Variants in SYNPR observed in about 807,000 individuals in gnomAD.
SYNPR encodes synaptoporin.
Under a neutral mutation model 32.9 loss-of-function variants are expected in SYNPR, and 23 were observed. The ratio of observed to expected loss-of-function variants is 0.70; its 90% CI spans 0.50 to 0.99. SYNPR has a LOEUF of 0.99. Among genes scored for constraint, SYNPR ranks in the 50% least tolerant of loss-of-function variants. The pLI is 0.00. For synonymous variants in SYNPR, 146 were observed against 135.9 expected, an observed-to-expected ratio of 1.07 and a Z score of -0.52; for missense variants, 318 against 349.3, an observed-to-expected ratio of 0.91 and a Z score of 0.71.
intron 5 of SYNPR, among the ~76,000 whole-genome samples, chr3:63,613,182 C>T (rs1351371549): frequency 6.6e-6 from 1 of 151,068 alleles, no homozygotes; most frequent in Non-Finnish European, 1.5e-5. Flanking sequence ...CAAGGTCTTG[C>T]TATGTTGCCC....
intron 2 of SYNPR, among the ~76,000 whole-genome samples, chr3:63,340,419 A>ATT (rs60297238): frequency 0.014 from 1,849 of 128,508 alleles, 51 homozygotes; most frequent in Admixed American, 0.021. Context: ...AAAAAAATGT[A>ATT]TTTTTTTTTT....
chr3:63,486,057 C>T (rs1315909534), intron 3 of SYNPR, among the ~76,000 whole-genome samples: 1 of 152,162 alleles, frequency 6.6e-6, no homozygotes, highest in Non-Finnish European at 1.5e-5. Flanking sequence ...TACAGATGTG[C>T]ACCACCATGC....
At chr3:63,408,279 G>A (rs369952088) in intron 2 of SYNPR, among the ~76,000 whole-genome samples, 11 of 30,316 alleles carry the variant, frequency 3.6e-4, no homozygotes, top group Admixed American at 4.0e-4. Flanking sequence ...GAAAGAAAGA[G>A]GAAGGAAGGA....
At chr3:63,588,093 GA>G (rs1428256620) in intron 4 of SYNPR, among the ~76,000 whole-genome samples, 14 of 151,956 alleles carry the variant, frequency 9.2e-5, no homozygotes, top group Non-Finnish European at 1.9e-4. Context: ...ATTGTATGGA[GA>G]AAAAAACTTT....
chr3:63,267,027 C>A (rs2086496428), intron 2 of SYNPR, among the ~76,000 whole-genome samples: 1 of 152,020 alleles, frequency 6.6e-6, no homozygotes, highest in South Asian at 2.1e-4. Context: ...TAATGTGGCC[C>A]TGGGATTTTC....
chr3:63,202,926 C>T, the SYNPR span, among the ~76,000 whole-genome samples: 3 of 151,528 alleles, frequency 2.0e-5, no homozygotes, highest in Admixed American at 2.0e-4. Flanking sequence ...TTTAGCTGTC[C>T]AGTATTAATG....
At chr3:63,414,609 G>A (rs1448370656) in intron 2 of SYNPR, among the ~76,000 whole-genome samples, 1 of 152,032 alleles carries the variant, frequency 6.6e-6, no homozygotes, top group Admixed American at 6.6e-5. Flanking sequence ...AAAAAGATAG[G>A]GAATTTTTTC....
intron 2 of SYNPR, among the ~76,000 whole-genome samples, chr3:63,460,637 A>G (rs894135754): frequency 6.6e-6 from 1 of 150,710 alleles, no homozygotes; most frequent in African/African-American, 2.5e-5. Context: ...GTAATTTGCT[A>G]TTTGCAAAGA....
intron 4 of SYNPR, among the ~76,000 whole-genome samples, chr3:63,601,631 G>A (rs1700044728): frequency 6.6e-6 from 1 of 152,120 alleles, no homozygotes; most frequent in African/African-American, 2.4e-5. Context: ...AGTTTGCTTA[G>A]GATTATGGTC....
At chr3:63,205,941 A>G in the SYNPR span, among the ~76,000 whole-genome samples, 1 of 152,190 alleles carries the variant, frequency 6.6e-6, no homozygotes, top group Admixed American at 6.5e-5. Flanking sequence ...TTTTTTTTCC[A>G]GGATGAAGTT....
At chr3:63,440,874 C>G (rs949010452) in intron 2 of SYNPR, among the ~76,000 whole-genome samples, 1 of 152,064 alleles carries the variant, frequency 6.6e-6, no homozygotes, top group African/African-American at 2.4e-5. Context: ...AGGGCCTGAG[C>G]GTGGATTTCA....
At chr3:63,609,879 C>A (rs11720009) in intron 5 of SYNPR, among the ~76,000 whole-genome samples, 76,966 of 151,974 alleles carry the variant, frequency 0.51, 19,877 homozygotes, top group Middle Eastern at 0.59. Flanking sequence ...CACTGCACCC[C>A]AGCCTGAGCA....
chr3:63,564,796 G>A (rs971224377), intron 4 of SYNPR, among the ~76,000 whole-genome samples: 2 of 152,136 alleles, frequency 1.3e-5, no homozygotes, highest in Non-Finnish European at 2.9e-5. Context: ...CATTCCCACT[G>A]TATTTGGTAC....
chr3:63,526,456 G>T (rs1040436745), intron 3 of SYNPR, among the ~76,000 whole-genome samples: 12 of 152,092 alleles, frequency 7.9e-5, no homozygotes, highest in Non-Finnish European at 1.5e-4. Context: ...TATATCCTCA[G>T]TACTTAGCCC....
At chr3:63,597,247 T>C (rs941663466) in intron 4 of SYNPR, among the ~76,000 whole-genome samples, 4 of 152,176 alleles carry the variant, frequency 2.6e-5, no homozygotes, top group African/African-American at 9.7e-5. Context: ...AAGTCATTTT[T>C]AAAATTTAAA....
At chr3:63,374,174 G>C (rs1017025379) in intron 2 of SYNPR, among the ~76,000 whole-genome samples, 1 of 152,158 alleles carries the variant, frequency 6.6e-6, no homozygotes, top group Non-Finnish European at 1.5e-5. Flanking sequence ...TTGGCTGTGG[G>C]TTTGTCATAG....
intron 3 of SYNPR, among the ~76,000 whole-genome samples, chr3:63,514,936 C>T (rs574994474): frequency 6.6e-5 from 10 of 152,108 alleles, no homozygotes; most frequent in Admixed American, 2.6e-4. Context: ...GCTTTCCTTC[C>T]GTTACAGAGA....
At chr3:63,313,341 G>A (rs1007517146) in intron 2 of SYNPR, among the ~76,000 whole-genome samples, 1 of 151,594 alleles carries the variant, frequency 6.6e-6, no homozygotes, top group Non-Finnish European at 1.5e-5. Flanking sequence ...CTGCACTGTT[G>A]TAGTCTTTTA....
At chr3:63,453,346 T>C (rs1700417890) in intron 2 of SYNPR, among the ~76,000 whole-genome samples, 1 of 152,102 alleles carries the variant, frequency 6.6e-6, no homozygotes, top group Non-Finnish European at 1.5e-5. Flanking sequence ...AGAGACTCTT[T>C]TTTACCTCTG....
Sources: gnomAD v4.1 joint callset for allele counts (sites outside exome capture counted in the v4.1 genomes callset) on GRCh38, gnomAD v4.1.1 for gene constraint, MANE v1.5 for transcripts, NCBI Gene and HGNC (gene_info 2026-07-23, HGNC 2026-07-21) for gene names.